Variants in SPMAP2L observed in about 807,000 individuals in gnomAD.
SPMAP2L encodes the protein sperm microtubule associated protein 2 like.
At chr4:56,595,377 C>T in the SPMAP2L span, 1 of 1,603,284 alleles carries the variant, frequency 6.2e-7, no homozygotes, top group African/African-American at 1.3e-5. Context: ...TGGTTGAGCC[C>T]ACTGAGTCGG....
the SPMAP2L span, among the ~76,000 whole-genome samples, chr4:56,557,287 GAAAC>G: frequency 0.081 from 12,088 of 149,864 alleles, 559 homozygotes; most frequent in Admixed American, 0.13. Flanking sequence ...GAAAAGAAAA[GAAAC>G]AAACAAACAA....
At chr4:56,593,290 A>AAGAG in the SPMAP2L span, 1 of 1,181,228 alleles carries the variant, frequency 8.5e-7, no homozygotes, top group South Asian at 1.2e-5. Flanking sequence ...GCTGTGCTAC[A>AAGAG]GACACAAGAG....
chr4:56,537,380 T>C, the SPMAP2L span, among the ~76,000 whole-genome samples: 1 of 152,236 alleles, frequency 6.6e-6, no homozygotes, highest in Non-Finnish European at 1.5e-5. Context: ...CACTTACATA[T>C]TCAACTGCCT....
chr4:56,530,805 C>G, the SPMAP2L span: 32 of 1,535,366 alleles, frequency 2.1e-5, no homozygotes, highest in African/African-American at 4.1e-4. Flanking sequence ...TCGACACTCA[C>G]AGAGAGCTTG....
chr4:56,615,863 G>A, the SPMAP2L span, among the ~76,000 whole-genome samples: 2 of 152,190 alleles, frequency 1.3e-5, no homozygotes, highest in African/African-American at 4.8e-5. Flanking sequence ...CTCAAGGTGA[G>A]GCTCATTTCA....
the SPMAP2L span, chr4:56,593,654 T>C: frequency 3.1e-6 from 5 of 1,604,152 alleles, no homozygotes; most frequent in African/African-American, 2.7e-5. Context: ...CCACGCAGCA[T>C]TTTTTGCCGT....
chr4:56,610,018 C>A, the SPMAP2L span, among the ~76,000 whole-genome samples: 1 of 152,108 alleles, frequency 6.6e-6, no homozygotes, highest in Non-Finnish European at 1.5e-5. Flanking sequence ...TGAAAATGAC[C>A]ATACTGCCAA....
chr4:56,542,700 C>G, the SPMAP2L span, among the ~76,000 whole-genome samples: 1 of 152,074 alleles, frequency 6.6e-6, no homozygotes, highest in Non-Finnish European at 1.5e-5. Flanking sequence ...ATAGGTGGTG[C>G]TGAACGTGCT....
At chr4:56,573,899 A>T in the SPMAP2L span, among the ~76,000 whole-genome samples, 1 of 152,162 alleles carries the variant, frequency 6.6e-6, no homozygotes, top group African/African-American at 2.4e-5. Context: ...TTCAGCCTAG[A>T]TGTAAAGGAT....
At chr4:56,571,185 CA>C in the SPMAP2L span, among the ~76,000 whole-genome samples, 1 of 151,430 alleles carries the variant, frequency 6.6e-6, no homozygotes, top group Non-Finnish European at 1.5e-5. Context: ...GCTTAAAACA[CA>C]AACACATTAT....
the SPMAP2L span, among the ~76,000 whole-genome samples, chr4:56,537,978 C>G: frequency 3.3e-5 from 5 of 152,166 alleles, no homozygotes; most frequent in Non-Finnish European, 7.4e-5. Flanking sequence ...CAGGCGTGAG[C>G]CACCGTGCCT....
chr4:56,565,388 C>T, the SPMAP2L span, among the ~76,000 whole-genome samples: 8 of 152,124 alleles, frequency 5.3e-5, no homozygotes, highest in Non-Finnish European at 8.8e-5. Context: ...AGTTGAGCAT[C>T]CCTAATAAAA....
At chr4:56,595,078 A>G in the SPMAP2L span, 1 of 1,610,820 alleles carries the variant, frequency 6.2e-7, no homozygotes, top group Admixed American at 1.7e-5. Flanking sequence ...ATGGGGCTCC[A>G]GTTCCATCTT....
the SPMAP2L span, among the ~76,000 whole-genome samples, chr4:56,592,029 A>C: frequency 6.6e-6 from 1 of 152,184 alleles, no homozygotes; most frequent in South Asian, 2.1e-4. Context: ...GCCTGTTAGG[A>C]ATCAGGCAGC....
the SPMAP2L span, among the ~76,000 whole-genome samples, chr4:56,543,941 A>T: frequency 5.3e-5 from 7 of 132,228 alleles, no homozygotes; most frequent in African/African-American, 2.0e-4. Context: ...AGAGAGAGAG[A>T]GAGAGAGAGT....
chr4:56,568,960 A>G, the SPMAP2L span, among the ~76,000 whole-genome samples: 1 of 152,214 alleles, frequency 6.6e-6, no homozygotes, highest in Non-Finnish European at 1.5e-5. Context: ...AATATTTTCA[A>G]GATTCATCTG....
chr4:56,585,070 T>G, the SPMAP2L span, among the ~76,000 whole-genome samples: 1 of 152,228 alleles, frequency 6.6e-6, no homozygotes. Flanking sequence ...AGCAGTATTT[T>G]GGGGTTTAAA....
the SPMAP2L span, chr4:56,594,203 A>C: frequency 6.2e-7 from 1 of 1,612,710 alleles, no homozygotes. Context: ...GTTCAAGAGG[A>C]CCAGCCCGTT....
chr4:56,565,440 G>A, the SPMAP2L span, among the ~76,000 whole-genome samples: 5 of 152,102 alleles, frequency 3.3e-5, no homozygotes, highest in Non-Finnish European at 7.3e-5. Context: ...AACATTTTCC[G>A]TGTTGACATG....
Sources: gnomAD v4.1 joint callset for allele counts (sites outside exome capture counted in the v4.1 genomes callset) on GRCh38, gnomAD v4.1.1 for gene constraint, MANE v1.5 for transcripts, NCBI Gene and HGNC (gene_info 2026-07-23, HGNC 2026-07-21) for gene names.